The following EML6 variants were observed in gnomAD, a reference collection of about 807,000 sequenced individuals.
EML6 encodes the protein EMAP like 6.
Under a neutral mutation model 240.1 loss-of-function variants are expected in EML6, and 154 were observed. That is an observed-to-expected ratio of 0.64 (90% CI 0.56 to 0.73). The LOEUF (loss-of-function observed/expected upper bound fraction) is 0.73, where lower values mean the gene tolerates loss of function less well. Ranked by LOEUF, EML6 falls within the 30% of genes least tolerant of loss-of-function variation. The pLI is 0.00. For missense variants in EML6, 2,964 were observed against 2,474.6 expected (o/e 1.20, Z -4.20); for synonymous variants, 1,148 against 899.0 (o/e 1.28, Z -4.95).
intron 2 of EML6, among the ~76,000 whole-genome samples, chr2:54,733,009 C>T (rs1347221872): frequency 6.6e-6 from 1 of 152,198 alleles, no homozygotes; most frequent in African/African-American, 2.4e-5. Context: ...TTGACCTCTA[C>T]TCTTTTATCA....
chr2:54,798,102 T>G (rs1403212285), intron 2 of EML6, among the ~76,000 whole-genome samples: 1 of 152,164 alleles, frequency 6.6e-6, no homozygotes, highest in Non-Finnish European at 1.5e-5. Context: ...TAACAATAAT[T>G]GAGTTTTTCA....
chr2:54,827,818 T>C lies in EML6; in HGVS notation c.711+67T>C, dbSNP rs892557070. 13 of 1,113,390 alleles carry C rather than the reference T, an allele frequency of 1.2e-5. 1 individual carries two copies. The East Asian group carries it at 3.1e-4, about 27-fold the overall frequency. The allele number at this position is 1,113,390 out of a possible 1,614,324, so 69.0% of individuals were successfully genotyped here. On this transcript the variant is annotated intron_variant, in intron 6 of 41. Transcript: ENST00000356458. ...TAAGGTAAGACCACGAATCCCTCCCTGTATGTTTCCCTTCTTGCTTTAGAA... is the reference window on the plus strand; with the variant it reads ...TAAGGTAAGACCACGAATCCCTCCCCGTATGTTTCCCTTCTTGCTTTAGAA...
At chr2:54,958,829 C>T (rs945579757) in intron 33 of EML6, among the ~76,000 whole-genome samples, 1 of 152,186 alleles carries the variant, frequency 6.6e-6, no homozygotes, top group Non-Finnish European at 1.5e-5. Context: ...GCCATGCTTA[C>T]AGAAGGGAAG....
At chr2:54,918,714 C>T (rs769165561) in intron 26 of EML6, among the ~76,000 whole-genome samples, 17 of 152,134 alleles carry the variant, frequency 1.1e-4, no homozygotes, top group Non-Finnish European at 2.5e-4. Context: ...TAAATTTACC[C>T]CCCTGTACAG....
intron 2 of EML6, among the ~76,000 whole-genome samples, chr2:54,794,701 A>G (rs1268433178): frequency 6.6e-6 from 1 of 152,226 alleles, no homozygotes; most frequent in Non-Finnish European, 1.5e-5. Context: ...TAGTGCACTC[A>G]GGGATTAACT....
rs2255393 is a variant in EML6 at position 54,970,746 on chromosome 2, A to T, written c.*651A>T. On this transcript the variant is annotated 3_prime_UTR_variant, in exon 42 of 42. Transcript: ENST00000356458. Reference sequence around the variant, plus strand: ...CCTCCCACCAATTTCTCCTTTCTCCATATGGTGCTAAAACCTCAAAGCTGA... The same window carrying T: ...CCTCCCACCAATTTCTCCTTTCTCCTTATGGTGCTAAAACCTCAAAGCTGA... The T allele has an allele frequency of 0.55, 83,403 of 152,540 alleles. 23,006 individuals carry two copies. Among genetic ancestry groups the T allele is most frequent in the East Asian group, 0.65 (3,396 of 5,186 alleles). 9.4% of individuals were successfully genotyped at this position (152,540 alleles called of 1,614,324 possible).
In EML6 at chr2:54,813,258, T is replaced by C. The variant is rs1667939475; in HGVS notation, c.224T>C (p.Leu75Pro). 3.2e-6 allele frequency: 5 copies of C among 1,550,750 alleles called. No individual in the cohort carries two copies. Among genetic ancestry groups the C allele is most frequent in the South Asian group, 2.4e-5 (2 of 83,812 alleles). The change falls in exon 3 of 42, where the codon CTC becomes CCC. Residue 75 changes from leucine (L) to proline (P), a missense_variant. By Grantham distance (98) the Leu-to-Pro change is moderately conservative. Transcript: ENST00000356458. Reference protein sequence around the residue: ...ISLALHPDKTLVATGQVGKEP... With the variant: ...ISLALHPDKTPVATGQVGKEP... ...CTTGCCTTACACCCAGACAAAACTC[T>C]CGTTGCAACTGGCCAAGTCGGGAAG...
At chr2:54,751,732 G>T (rs1234904241) in intron 2 of EML6, among the ~76,000 whole-genome samples, 4 of 152,148 alleles carry the variant, frequency 2.6e-5, no homozygotes, top group Non-Finnish European at 1.5e-5. Context: ...TAGCCTAAAA[G>T]TTGTCTTGGT....
chr2:54,908,218 T>C (rs533347152), intron 24 of EML6, among the ~76,000 whole-genome samples: 2 of 152,004 alleles, frequency 1.3e-5, no homozygotes, highest in Admixed American at 6.5e-5. Flanking sequence ...AAACTTTTTT[T>C]TTTTTTTTTG....
chr2:54,804,799 T>C (rs529351898), intron 2 of EML6, among the ~76,000 whole-genome samples: 1 of 152,322 alleles, frequency 6.6e-6, no homozygotes, highest in African/African-American at 2.4e-5. Flanking sequence ...TGGTGGTTAC[T>C]TCCACATCTC....
At chr2:54,850,768 G>A (rs771092169) in intron 10 of EML6, among the ~76,000 whole-genome samples, 14 of 152,188 alleles carry the variant, frequency 9.2e-5, no homozygotes, top group African/African-American at 1.4e-4. Flanking sequence ...AGGCATGTGC[G>A]CACAAGGATG....
At chr2:54,884,590 A>T (rs576777537) in intron 17 of EML6, among the ~76,000 whole-genome samples, 1 of 152,216 alleles carries the variant, frequency 6.6e-6, no homozygotes, top group Non-Finnish European at 1.5e-5. Context: ...GAAGACCTCC[A>T]TGGAGATCCT....
intron 2 of EML6, among the ~76,000 whole-genome samples, chr2:54,787,524 T>G (rs951642649): frequency 1.3e-5 from 2 of 152,204 alleles, no homozygotes; most frequent in Non-Finnish European, 2.9e-5. Context: ...ATAAGTTTGT[T>G]TATCCTATTG....
chr2:54,875,886 T>C (rs1483276159), intron 16 of EML6, among the ~76,000 whole-genome samples: 1 of 152,200 alleles, frequency 6.6e-6, no homozygotes, highest in Non-Finnish European at 1.5e-5. Context: ...CCATATAATT[T>C]TTTTAAAAGC....
chr2:54,904,140 T>C (rs1673197974), intron 24 of EML6, among the ~76,000 whole-genome samples: 1 of 152,168 alleles, frequency 6.6e-6, no homozygotes, highest in Admixed American at 6.5e-5. Flanking sequence ...GTGGAGTTTA[T>C]AATTGAGTGA....
In EML6 at chr2:54,928,367, G is replaced by T; in HGVS notation, c.3730G>T (p.Val1244Leu). ...GGGGCACAGTGCACATGTCACTAAC[G>T]TGAGGTGGCTGCACAATGACTCTGT... ...YVGHSAHVTN[V>L]RWLHNDSVLL... Residue 1244 changes from valine (V) to leucine (L), a missense_variant, in exon 27 of 42, where the codon GTG (valine) becomes TTG (leucine). By Grantham distance (32) the Val-to-Leu change is conservative. Transcript: ENST00000356458. 1 of 1,552,084 alleles carries T rather than the reference G, an allele frequency of 6.4e-7. No individual in the cohort carries two copies. The highest frequency in any genetic ancestry group is 1.2e-5 in the South Asian group (1 of 84,040).
chr2:54,833,610 C>A (rs1668986088), intron 7 of EML6, among the ~76,000 whole-genome samples: 1 of 152,150 alleles, frequency 6.6e-6, no homozygotes, highest in African/African-American at 2.4e-5. Flanking sequence ...CTCAGGGCTC[C>A]CTCCCTTCTC....
intron 14 of EML6, 179 bp downstream of exon 14, chr2:54,867,063 C>T (rs1671010095): frequency 4.3e-6 from 2 of 460,454 alleles, no homozygotes; most frequent in South Asian, 4.2e-5. Context: ...TCTCTATCCA[C>T]TTCCCTCGTT....
Position 54,724,100 on chromosome 2 carries a change from T to G in EML6, c.-514+323T>G, listed in dbSNP as rs1261423725. ...TGATTTCTCCTCGACCAGGAGCGTTTGTAGGTAGCGCACTCCCTCCGACTG... is the reference window on the plus strand; with the variant it reads ...TGATTTCTCCTCGACCAGGAGCGTTGGTAGGTAGCGCACTCCCTCCGACTG... On this transcript the variant is annotated intron_variant, in intron 1 of 41. Transcript: ENST00000356458. The surrounding 1 kb of genome is among the most constrained non-coding windows in gnomAD (Gnocchi z 5.2). Among the ~76,000 whole-genome samples the G allele has an allele frequency of 6.6e-6, 1 of 152,208 alleles. No individual in the cohort carries two copies. Among genetic ancestry groups the G allele is most frequent in the Non-Finnish European group, 1.5e-5 (1 of 68,036 alleles).
Sources: gnomAD v4.1 joint callset for allele counts (sites outside exome capture counted in the v4.1 genomes callset) on GRCh38, gnomAD v4.1.1 for gene constraint, Gnocchi (gnomAD v3.1) non-coding constraint, MANE v1.5 for transcripts, NCBI Gene and HGNC (gene_info 2026-07-23, HGNC 2026-07-21) for gene names.